Variants in PLCB4 observed in about 807,000 individuals in gnomAD.
The protein encoded by PLCB4 is 1-phosphatidylinositol 4,5-bisphosphate phosphodiesterase beta-4.
A neutral mutation model predicts 178.8 loss-of-function variants in PLCB4; 77 were observed. That is an observed-to-expected ratio of 0.43 (90% CI 0.36 to 0.52). The LOEUF (loss-of-function observed/expected upper bound fraction) is 0.52. Among genes scored for constraint, PLCB4 ranks in the 20% least tolerant of loss-of-function variants. PLCB4 has a pLI of 0.00. For missense variants in PLCB4, 1,024 were observed against 1,453.4 expected, an observed-to-expected ratio of 0.70 and a Z score of 4.80; for synonymous variants, 496 against 490.8, an observed-to-expected ratio of 1.01 and a Z score of -0.14.
chr20:9,415,806 T>C (rs2040202129), intron 25 of PLCB4, among the ~76,000 whole-genome samples: 1 of 152,168 alleles, frequency 6.6e-6, no homozygotes, highest in African/African-American at 2.4e-5. Context: ...CCCTTCTGAG[T>C]TCAGGGCCCT....
intron 3 of PLCB4, among the ~76,000 whole-genome samples, chr20:9,290,335 C>T (rs1429639032): frequency 6.6e-6 from 1 of 152,046 alleles, no homozygotes; most frequent in Non-Finnish European, 1.5e-5. Flanking sequence ...TTTCCCCAGC[C>T]TGCGGATATG....
chr20:9,318,962 G>A (rs973128146), intron 4 of PLCB4, among the ~76,000 whole-genome samples: 2 of 152,198 alleles, frequency 1.3e-5, no homozygotes, highest in African/African-American at 4.8e-5. Context: ...GAACAGGAGG[G>A]TGTTGGCCAG....
chr20:9,257,762 A>G (rs190560422), intron 3 of PLCB4, among the ~76,000 whole-genome samples: 1 of 152,340 alleles, frequency 6.6e-6, no homozygotes, highest in Admixed American at 6.5e-5. Context: ...GGAAAAGTAG[A>G]TAACTAAAAT....
At chr20:9,460,307 T>C (rs1439576760) in intron 35 of PLCB4, among the ~76,000 whole-genome samples, 1 of 152,176 alleles carries the variant, frequency 6.6e-6, no homozygotes, top group African/African-American at 2.4e-5. Flanking sequence ...GAACTGGCCT[T>C]TGGAGAATGA....
rs2036184929 is a variant in PLCB4, at chr20:9,370,783, C to T, written c.504-431C>T. Among the ~76,000 whole-genome samples, 6 of 152,010 alleles carry T rather than the reference C, an allele frequency of 3.9e-5. No individual in the cohort carries two copies. In the South Asian group the frequency reaches 1.3e-3, roughly 32 times the overall value. ...AATTAGCCAGGTGTGGTGGCGTGCACCTGTAGTCCCAGCTACTTGGGAGGC... is the reference window on the plus strand; with the variant it reads ...AATTAGCCAGGTGTGGTGGCGTGCATCTGTAGTCCCAGCTACTTGGGAGGC... On this transcript the variant is annotated intron_variant, in intron 9 of 39. Transcript: ENST00000378473.
chr20:9,116,148 C>CGT (rs913318688), intron 2 of PLCB4, among the ~76,000 whole-genome samples: 29 of 150,596 alleles, frequency 1.9e-4, no homozygotes, highest in African/African-American at 4.4e-4. Flanking sequence ...TGTGTGTGCG[C>CGT]GTGTGTGTGT....
intron 2 of PLCB4, among the ~76,000 whole-genome samples, chr20:9,187,982 C>T (rs1449934187): frequency 2.0e-5 from 3 of 152,202 alleles, no homozygotes; most frequent in African/African-American, 7.2e-5. Flanking sequence ...TAGAAGATTT[C>T]TCCCAGCCAC....
At chr20:9,101,427 G>C (rs1417649048) in intron 2 of PLCB4, among the ~76,000 whole-genome samples, 1 of 152,096 alleles carries the variant, frequency 6.6e-6, no homozygotes, top group Admixed American at 6.6e-5. Flanking sequence ...TTCCTGAACA[G>C]AAAATCTTTA....
intron 2 of PLCB4, among the ~76,000 whole-genome samples, chr20:9,120,039 T>G (rs2091905510): frequency 6.6e-6 from 1 of 152,200 alleles, no homozygotes; most frequent in Admixed American, 6.5e-5. Context: ...CAATCTGCTT[T>G]GGCAGCCAGT....
chr20:9,247,504 C>G (rs1339839837), intron 3 of PLCB4, among the ~76,000 whole-genome samples: 6 of 152,174 alleles, frequency 3.9e-5, no homozygotes, highest in Non-Finnish European at 7.3e-5. Context: ...AAAATAAAAA[C>G]TCACTCACTT....
intron 2 of PLCB4, among the ~76,000 whole-genome samples, chr20:9,185,063 C>T (rs1166810363): frequency 6.6e-6 from 1 of 152,216 alleles, no homozygotes; most frequent in Non-Finnish European, 1.5e-5. Flanking sequence ...GCTGGGACTA[C>T]AGGTGTGTGC....
In PLCB4 at chr20:9,409,200, T is replaced by C; in HGVS notation, c.1999+19T>C. On this transcript the variant is annotated intron_variant, in intron 24 of 39. Transcript: ENST00000378473. The stretch of plus-strand genomic sequence containing the variant: ...ACCCCAGGTAGGAGCTGATGTCCAG[T>C]GACCCCAAATTCCATGAGAACACTT... The C allele has an allele frequency of 6.3e-7, 1 of 1,575,072 alleles. No homozygotes were observed. Among genetic ancestry groups the C allele is most frequent in the Non-Finnish European group, 8.6e-7 (1 of 1,168,330 alleles).
At chr20:9,191,327 G>A (rs1568924681) in intron 2 of PLCB4, among the ~76,000 whole-genome samples, 1 of 148,664 alleles carries the variant, frequency 6.7e-6, no homozygotes, top group East Asian at 2.0e-4. Context: ...TAAAAGGGCT[G>A]GAGGGAACTA....
chr20:9,338,198 T>C (rs889607276), intron 6 of PLCB4, 131 bp downstream of exon 6: 2 of 655,778 alleles, frequency 3.0e-6, no homozygotes, highest in African/African-American at 3.6e-5. Context: ...GTTTTGAGAA[T>C]AGCATGTGGT....
intron 20 of PLCB4, among the ~76,000 whole-genome samples, chr20:9,403,254 C>T (rs1297583971): frequency 1.3e-5 from 2 of 151,936 alleles, no homozygotes; most frequent in South Asian, 2.1e-4. Flanking sequence ...TTCAAAAGAT[C>T]GTATTTGAAA....
intron 34 of PLCB4, among the ~76,000 whole-genome samples, chr20:9,458,092 GA>G (rs148843452): frequency 1.4e-5 from 2 of 145,338 alleles, no homozygotes; most frequent in African/African-American, 5.1e-5. Context: ...AAATGAAAAG[GA>G]AAAAAAAAGA....
At chr20:9,298,799 C>T (rs528607696) in intron 3 of PLCB4, among the ~76,000 whole-genome samples, 5 of 152,020 alleles carry the variant, frequency 3.3e-5, no homozygotes, top group East Asian at 1.9e-4. Context: ...TATTGAGGTA[C>T]GAGAGGCAGG....
At chr20:9,151,548 C>T (rs998351589) in intron 2 of PLCB4, among the ~76,000 whole-genome samples, 1 of 152,104 alleles carries the variant, frequency 6.6e-6, no homozygotes, top group African/African-American at 2.4e-5. Flanking sequence ...TTGCTTCTTC[C>T]TCATTTTCTC....
intron 7 of PLCB4, among the ~76,000 whole-genome samples, chr20:9,357,425 G>A (rs2034934598): frequency 6.6e-6 from 1 of 152,170 alleles, no homozygotes; most frequent in Non-Finnish European, 1.5e-5. Flanking sequence ...AGAACCATGG[G>A]GCTCTTCCCA....
Sources: gnomAD v4.1 joint callset for allele counts (sites outside exome capture counted in the v4.1 genomes callset) on GRCh38, gnomAD v4.1.1 for gene constraint, MANE v1.5 for transcripts, NCBI Gene and HGNC (gene_info 2026-07-23, HGNC 2026-07-21) for gene names.